The following GRIN2B variants were observed in gnomAD, a reference collection of about 807,000 sequenced individuals.
GRIN2B encodes the protein glutamate ionotropic receptor NMDA type subunit 2B, also known as glutamate receptor ionotropic, NMDA 2B.
In GRIN2B, 5 loss-of-function variants were observed where a neutral mutation model predicts 114.5. That is an observed-to-expected ratio of 0.04 (90% confidence interval 0.02 to 0.09). GRIN2B has a LOEUF of 0.09. Ranked by LOEUF, GRIN2B falls within the 10% of genes least tolerant of loss-of-function variation. The probability of loss-of-function intolerance (pLI) is 1.00; values close to 1 mark genes in which losing one functional copy is unlikely to be tolerated. For synonymous variants in GRIN2B, 787 were observed against 745.1 expected, an observed-to-expected ratio of 1.06 and a Z score of -0.92; for missense variants, 1,108 against 1,943.5, an observed-to-expected ratio of 0.57 and a Z score of 8.08.
chr12:13,652,917 A>C (rs926180260), intron 5 of GRIN2B, among the ~76,000 whole-genome samples: 1 of 152,160 alleles, frequency 6.6e-6, no homozygotes, highest in Non-Finnish European at 1.5e-5. Flanking sequence ...GAAGCTCCTT[A>C]GCGGGGCTTT....
At position 13,542,090 on chromosome 12, in the gene GRIN2B, T is replaced by C. The variant is rs1231956328; in HGVS notation, c.*20693A>G. 1 of 152,198 alleles carries C rather than the reference T, an allele frequency of 6.6e-6. No individual in the cohort carries two copies. Among genetic ancestry groups the C allele is most frequent in the African/African-American group, 2.4e-5 (1 of 41,452 alleles). The allele number at this position is 152,198 out of a possible 1,614,324, so 9.4% of individuals were successfully genotyped here. ...GCCCTCTCCTGATCCTTGAAAACGCTCTCTCAAGGCTTTTAAAGACTTTCA... is the reference window on the plus strand; with the variant it reads ...GCCCTCTCCTGATCCTTGAAAACGCCCTCTCAAGGCTTTTAAAGACTTTCA... On this transcript the variant is annotated 3_prime_UTR_variant, in exon 14 of 14. Coordinates refer to ENST00000609686, the MANE Select transcript of GRIN2B (RefSeq NM_000834.5).
intron 3 of GRIN2B, among the ~76,000 whole-genome samples, chr12:13,826,469 C>A (rs1160574254): frequency 4.6e-5 from 7 of 151,350 alleles, no homozygotes; most frequent in Admixed American, 3.3e-4. Flanking sequence ...AACTTCATTT[C>A]AAAAAATAAA....
intron 3 of GRIN2B, among the ~76,000 whole-genome samples, chr12:13,843,755 T>C (rs904488242): frequency 1.3e-5 from 2 of 152,240 alleles, no homozygotes; most frequent in South Asian, 2.1e-4. Flanking sequence ...CAAGATCCCA[T>C]CATTTGTGAA....
At chr12:13,817,320 A>G (rs1351093585) in intron 3 of GRIN2B, among the ~76,000 whole-genome samples, 1 of 146,206 alleles carries the variant, frequency 6.8e-6, no homozygotes, top group Non-Finnish European at 1.6e-5. Flanking sequence ...GCTGGGCTGG[A>G]GCAACGCCCA....
At chr12:13,929,071 A>T (rs1165510285) in intron 2 of GRIN2B, among the ~76,000 whole-genome samples, 1 of 152,384 alleles carries the variant, frequency 6.6e-6, no homozygotes, top group African/African-American at 2.4e-5. Context: ...ATTCCCAGTT[A>T]GTAAGTATAG....
At chr12:13,924,042 T>TA (rs1866872050) in intron 2 of GRIN2B, among the ~76,000 whole-genome samples, 1 of 152,150 alleles carries the variant, frequency 6.6e-6, no homozygotes. Context: ...TCTTACCCTA[T>TA]AAAAAACAGA....
At chr12:13,654,405 G>T (rs764983016) in intron 5 of GRIN2B, among the ~76,000 whole-genome samples, 6 of 152,166 alleles carry the variant, frequency 3.9e-5, no homozygotes, top group Non-Finnish European at 8.8e-5. Flanking sequence ...AACTAATTCT[G>T]TTTGCTTGTT....
At chr12:13,936,694 G>A (rs1867135320) in intron 2 of GRIN2B, among the ~76,000 whole-genome samples, 2 of 152,220 alleles carry the variant, frequency 1.3e-5, no homozygotes, top group South Asian at 4.1e-4. Context: ...AATGGAAAAT[G>A]TGACACAGAT....
chr12:13,772,526 C>T (rs1390200245), intron 3 of GRIN2B, among the ~76,000 whole-genome samples: 1 of 152,190 alleles, frequency 6.6e-6, no homozygotes, highest in East Asian at 1.9e-4. Flanking sequence ...CTACAGTGTA[C>T]TCGCTGAAGT....
intron 5 of GRIN2B, chr12:13,634,226 T>G (rs916409543): frequency 6.6e-6 from 1 of 152,228 alleles, no homozygotes; most frequent in Non-Finnish European, 1.5e-5. Context: ...ATACACAGAT[T>G]CTGCTTTCCA....
intron 3 of GRIN2B, among the ~76,000 whole-genome samples, chr12:13,831,811 A>G (rs1302153432): frequency 6.6e-6 from 1 of 152,226 alleles, no homozygotes; most frequent in Non-Finnish European, 1.5e-5. Context: ...CCAGAAACAA[A>G]TATTAATGTG....
At chr12:13,916,735 A>ACACAAGTGTG (rs59238170) in intron 2 of GRIN2B, among the ~76,000 whole-genome samples, 4 of 101,904 alleles carry the variant, frequency 3.9e-5, no homozygotes, top group Non-Finnish European at 4.3e-5. Context: ...ACACACACAC[A>ACACAAGTGTG]TTTGTGTGTG....
chr12:13,827,649 C>A (rs1865069015), intron 3 of GRIN2B, among the ~76,000 whole-genome samples: 1 of 142,968 alleles, frequency 7.0e-6, no homozygotes, highest in Admixed American at 7.4e-5. Flanking sequence ...TCATGTCTTC[C>A]TTTATATCTC....
At chr12:13,801,306 T>C (rs1034321267) in intron 3 of GRIN2B, among the ~76,000 whole-genome samples, 3 of 152,198 alleles carry the variant, frequency 2.0e-5, no homozygotes, top group Non-Finnish European at 4.4e-5. Flanking sequence ...TTGTGACCCC[T>C]ATATAAAAAA....
chr12:13,747,429 C>G (rs954025743), intron 4 of GRIN2B, among the ~76,000 whole-genome samples: 4 of 152,216 alleles, frequency 2.6e-5, no homozygotes, highest in Admixed American at 6.5e-5. Flanking sequence ...GCCTGAACTA[C>G]AATAAGCATT....
intron 10 of GRIN2B, among the ~76,000 whole-genome samples, chr12:13,578,420 G>A (rs1948805448): frequency 6.6e-6 from 1 of 152,176 alleles, no homozygotes; most frequent in Non-Finnish European, 1.5e-5. Context: ...CAAAAACCCT[G>A]AGGCCACCAT....
chr12:13,793,686 T>C (rs1290677853), intron 3 of GRIN2B, among the ~76,000 whole-genome samples: 1 of 152,162 alleles, frequency 6.6e-6, no homozygotes, highest in Admixed American at 6.5e-5. Context: ...CTGGTTACAG[T>C]TTAGAAAGGC....
At chr12:13,706,267 C>G (rs996351948) in intron 4 of GRIN2B, among the ~76,000 whole-genome samples, 12 of 152,032 alleles carry the variant, frequency 7.9e-5, no homozygotes, top group Admixed American at 7.9e-4. Flanking sequence ...TGGAAAACAG[C>G]AGGGATTAGT....
intron 3 of GRIN2B, among the ~76,000 whole-genome samples, chr12:13,822,872 A>G (rs1864964759): frequency 6.6e-6 from 1 of 152,106 alleles, no homozygotes; most frequent in Admixed American, 6.5e-5. Flanking sequence ...CCTTAAAGAT[A>G]CTTCTAAGGG....
Sources: gnomAD v4.1 joint callset for allele counts (sites outside exome capture counted in the v4.1 genomes callset) on GRCh38, gnomAD v4.1.1 for gene constraint, MANE v1.5 for transcripts, NCBI Gene and HGNC (gene_info 2026-07-23, HGNC 2026-07-21) for gene names.